Variants in CDC42EP1 observed in about 807,000 individuals in gnomAD.
The protein encoded by CDC42EP1 is CDC42 effector protein 1, also known as 55 kDa bone marrow stromal/endothelial cell protein.
A neutral mutation model predicts 7.4 loss-of-function variants in CDC42EP1; 6 were observed. The observed-to-expected ratio is 0.81, with a 90% CI of 0.44 to 1.60. CDC42EP1 has a LOEUF of 1.60. Among genes scored for constraint, CDC42EP1 ranks in the 40% most tolerant of loss-of-function variants. CDC42EP1 has a pLI of 0.01. For missense variants in CDC42EP1, 567 were observed against 539.0 expected (o/e 1.05, Z -0.51); for synonymous variants, 238 against 227.1 (o/e 1.05, Z -0.43).
Position 37,568,864 on chromosome 22 carries a change from G to C in CDC42EP1, c.*44G>C. Reference sequence around the variant, plus strand: ...CAGGGCCCCACCTAGGTGCAGAGCCGGCCCCTCACCTAACAGCTGGTTCCT... The same window carrying C: ...CAGGGCCCCACCTAGGTGCAGAGCCCGCCCCTCACCTAACAGCTGGTTCCT... On this transcript the variant is annotated 3_prime_UTR_variant, in exon 3 of 3. Coordinates refer to ENST00000249014, the MANE Select transcript of CDC42EP1 (RefSeq NM_152243.3). 1 of 1,343,514 alleles carries C rather than the reference G, an allele frequency of 7.4e-7. No homozygotes were observed. Among genetic ancestry groups the C allele is most frequent in the Non-Finnish European group, 9.8e-7 (1 of 1,017,446 alleles). 83.2% of individuals were successfully genotyped at this position (1,343,514 alleles called of 1,614,324 possible).
chr22:37,566,199 C>A lies in CDC42EP1; in HGVS notation c.-151C>A. The A allele has an allele frequency of 1.9e-6, 1 of 522,092 alleles. No homozygotes were observed. The highest frequency in any genetic ancestry group is 2.8e-5 in the South Asian group (1 of 35,184). 32.3% of individuals were successfully genotyped at this position (522,092 alleles called of 1,614,324 possible). A position where few individuals can be genotyped will look rare whatever the true frequency, so the allele number is the denominator to read the frequency against. ...GGAGAGACGAGCCATGAACCCCCCA[C>A]AGCCTCTGCATTTGGGGACCTCACC... is the stretch of plus-strand genomic sequence containing the variant. On this transcript the variant is annotated 5_prime_UTR_variant, in exon 2 of 3. Transcript: ENST00000249014. This position sits in a 1 kb window ranked among gnomAD's most constrained non-coding sequence, Gnocchi z 6.4.
At chr22:37,565,077 C>G (rs8138741) in intron 1 of CDC42EP1, among the ~76,000 whole-genome samples, 1 of 152,160 alleles carries the variant, frequency 6.6e-6, no homozygotes, top group African/African-American at 2.4e-5. Context: ...CGCGCCCAGC[C>G]CCTCAGGAGT....
intron 1 of CDC42EP1, among the ~76,000 whole-genome samples, 182 bp downstream of exon 1, chr22:37,560,770 A>G (rs1408921099): frequency 3.3e-5 from 5 of 151,724 alleles, no homozygotes; most frequent in South Asian, 4.1e-4. Context: ...CCGCGCGAGG[A>G]AACTCCGAGC....
At position 37,568,150 on chromosome 22, in the gene CDC42EP1, C is replaced by T. The variant is rs376281327; in HGVS notation, c.506C>T (p.Ser169Leu). The T allele has an allele frequency of 2.5e-5, 40 of 1,613,878 alleles. No individual in the cohort carries two copies. Among genetic ancestry groups the T allele is most frequent in the Middle Eastern group, 3.3e-4 (2 of 6,082 alleles). ...GFCTISRLPR[S>L]EKPHDRDRDG... ...TGCACCATCTCCCGCCTGCCCCGCT[C>T]GGAAAAGCCGCATGACCGAGACCGG... The change falls in exon 3 of 3, where the codon TCG (serine) becomes TTG (leucine). Residue 169 changes from serine (S) to leucine (L), a missense_variant. Coordinates refer to ENST00000249014, the MANE Select transcript of CDC42EP1 (RefSeq NM_152243.3).
chr22:37,562,723 T>C (rs1309588998), intron 1 of CDC42EP1, among the ~76,000 whole-genome samples: 7 of 151,652 alleles, frequency 4.6e-5, no homozygotes, highest in Non-Finnish European at 8.8e-5. Context: ...CATCGCAAGA[T>C]TGGGGAGGAA....
At chr22:37,564,499 C>T (rs569783463) in intron 1 of CDC42EP1, 1 of 152,384 alleles carries the variant, frequency 6.6e-6, no homozygotes, top group African/African-American at 2.4e-5. Context: ...GTGGATGGTT[C>T]AGAGGAACCT....
Position 37,566,579 on chromosome 22 carries a change from C to A in CDC42EP1, c.230C>A (p.Ser77Ter), listed in dbSNP as rs1290971400. Residue 77 changes from serine to a stop codon, truncating the protein, a stop_gained, in exon 2 of 3, where the codon TCA becomes TAA. Transcript: ENST00000249014. LOFTEE classifies it high-confidence loss of function. The surrounding 1 kb of genome is among the most constrained non-coding windows in gnomAD (Gnocchi z 6.4). Reference protein sequence around the residue: ...HGGSSGSTHRSPRSFLAKKLQ... With the variant: ...HGGSSGSTHR Reference sequence around the variant, plus strand: ...GGCAGCTCCGGGAGCACCCATCGCTCACCCCGCAGCTTCCTGGCCAAGAAG... The same window carrying A: ...GGCAGCTCCGGGAGCACCCATCGCTAACCCCGCAGCTTCCTGGCCAAGAAG... The A allele has an allele frequency of 6.2e-7, 1 of 1,603,796 alleles. No homozygotes were observed. Among genetic ancestry groups the A allele is most frequent in the Non-Finnish European group, 8.5e-7 (1 of 1,173,072 alleles).
chr22:37,566,749 G>A lies in CDC42EP1; in HGVS notation c.400G>A (p.Val134Met), dbSNP rs138108680. The A allele has an allele frequency of 4.5e-4, 723 of 1,604,440 alleles. 2 individuals carry two copies. In the South Asian group the frequency reaches 5.1e-3, roughly 11 times the overall value. The change falls in exon 2 of 3, where the codon GTG (valine) becomes ATG (methionine). Residue 134 changes from valine to methionine, a missense_variant. Coordinates refer to ENST00000249014, the MANE Select transcript of CDC42EP1 (RefSeq NM_152243.3). The surrounding 1 kb of genome is among the most constrained non-coding windows in gnomAD (Gnocchi z 6.4). ...QLNQAAYDSL[V>M]VGKLSFDSSP... The stretch of plus-strand genomic sequence containing the variant: ...CAACCAGGCCGCCTACGACAGCCTC[G>A]TGGTTGGCAAGCTCAGCTTCGACAG...
Position 37,568,712 on chromosome 22 carries a change from A to G in CDC42EP1, c.1068A>G (p.Glu356=), listed in dbSNP as rs537335999. ...QARASWESLD[E]EWRAPQAGSR... Reference sequence around the variant, plus strand: ...GGGCCTCCTGGGAGAGCCTGGACGAAGAGTGGAGGGCGCCCCAGGCAGGCA... The same window carrying G: ...GGGCCTCCTGGGAGAGCCTGGACGAGGAGTGGAGGGCGCCCCAGGCAGGCA... The change falls in exon 3 of 3, where the codon GAA becomes GAG. Residue 356 remains glutamate (E), a synonymous_variant. Transcript: ENST00000249014. The G allele has an allele frequency of 1.3e-4, 203 of 1,534,532 alleles. 2 individuals are homozygous for G. The South Asian group carries it at 1.9e-3, about 14-fold the overall frequency.
In CDC42EP1 at chr22:37,568,462, C is replaced by T. The variant is rs1013911951; in HGVS notation, c.818C>T (p.Pro273Leu). 7 of 1,603,050 alleles carry T rather than the reference C, an allele frequency of 4.4e-6. No homozygotes were observed. The South Asian group carries it at 6.7e-5, about 15-fold the overall frequency. ...AATPTGPAAN[P>L]PAPAASSTPH... ...ACCCCCACGGGTCCTGCTGCAAATC[C>T]CCCAGCCCCTGCCGCAAGCTCCACA... The change falls in exon 3 of 3, where the codon CCC becomes CTC. Residue 273 changes from proline (P) to leucine (L), a missense_variant. Physicochemically the swap from Pro to Leu is moderately conservative, Grantham distance 98. Coordinates refer to ENST00000249014, the MANE Select transcript of CDC42EP1 (RefSeq NM_152243.3).
In CDC42EP1 at chr22:37,568,634, C is replaced by T; in HGVS notation, c.990C>T (p.His330=). The T allele has an allele frequency of 1.3e-6, 2 of 1,588,394 alleles. No individual in the cohort carries two copies. The highest frequency in any genetic ancestry group is 1.8e-5 in the Admixed American group (1 of 56,144). The change falls in exon 3 of 3, where the codon CAC becomes CAT. Residue 330 remains histidine, a synonymous_variant. Transcript: ENST00000249014. ...HWGAGWDGGH[H]YPEMDARQER... ...GAGCAGGCTGGGATGGCGGCCACCA[C>T]TACCCAGAGATGGATGCGCGGCAGG...
intron 1 of CDC42EP1, chr22:37,564,557 GCTCCCTC>G (rs1418021403): frequency 6.6e-6 from 1 of 152,344 alleles, no homozygotes; most frequent in Non-Finnish European, 1.5e-5. Context: ...TGAGGTGTCT[GCTCCCTC>G]CTGGCTTCGC....
At chr22:37,561,677 CAG>C (rs1925044166) in intron 1 of CDC42EP1, among the ~76,000 whole-genome samples, 1 of 145,358 alleles carries the variant, frequency 6.9e-6, no homozygotes, top group Admixed American at 6.7e-5. Context: ...GTAACCATGA[CAG>C]GGACCCGCTG....
Position 37,568,683 on chromosome 22 carries a change from G to T in CDC42EP1, c.1039G>T (p.Ala347Ser). 6.5e-7 allele frequency: 1 copy of T among 1,543,718 alleles called. No individual in the cohort carries two copies. The highest frequency in any genetic ancestry group is 8.7e-7 in the Non-Finnish European group (1 of 1,144,984). The change falls in exon 3 of 3, where the codon GCC (alanine) becomes TCC (serine). Residue 347 changes from alanine (A) to serine (S), a missense_variant. Transcript: ENST00000249014. ...GGAGCGGGTGGAGGTGCTGCCCCAA[G>T]CCCGGGCCTCCTGGGAGAGCCTGGA... ...RQERVEVLPQARASWESLDEE... is the reference protein window; with the variant it reads ...RQERVEVLPQSRASWESLDEE...
intron 1 of CDC42EP1, among the ~76,000 whole-genome samples, chr22:37,563,482 A>G (rs1438506907): frequency 6.6e-6 from 1 of 152,052 alleles, no homozygotes; most frequent in Non-Finnish European, 1.5e-5. Flanking sequence ...AGGGAAGAAG[A>G]TGATTCAGAA....
rs1305243446 is a variant in CDC42EP1 at position 37,563,671 on chromosome 22, G to T, written c.-278-2401G>T. On this transcript the variant is annotated intron_variant, in intron 1 of 2. Coordinates refer to ENST00000249014, the MANE Select transcript of CDC42EP1 (RefSeq NM_152243.3). ...AGAAGGGCAGTATTGAGATTTCTAT[G>T]CTTGGAGGTGGCAGCAATGGTTTTA... The T allele has an allele frequency of 2.0e-5, 3 of 152,324 alleles. No individual in the cohort carries two copies. In the East Asian group the frequency reaches 5.8e-4, roughly 29 times the overall value. 9.4% of individuals were successfully genotyped at this position (152,324 alleles called of 1,614,324 possible). A position where few individuals can be genotyped will look rare whatever the true frequency, so the allele number is the denominator to read the frequency against.
At position 37,566,243 on chromosome 22, in the gene CDC42EP1, C is replaced by T; in HGVS notation, c.-107C>T. The T allele has an allele frequency of 1.5e-6, 1 of 657,414 alleles. No individual in the cohort carries two copies. 40.7% of individuals were successfully genotyped at this position (657,414 alleles called of 1,614,324 possible). ...CCTCACCTTAGGAGAGTGCCATTTA[C>T]AGCTTCCGCCAGGGCAAAGGAGCTG... On this transcript the variant is annotated 5_prime_UTR_variant, in exon 2 of 3. Coordinates refer to ENST00000249014, the MANE Select transcript of CDC42EP1 (RefSeq NM_152243.3). This position sits in a 1 kb window ranked among gnomAD's most constrained non-coding sequence, Gnocchi z 6.4.
At chr22:37,561,812 C>T (rs1925049141) in intron 1 of CDC42EP1, among the ~76,000 whole-genome samples, 1 of 152,132 alleles carries the variant, frequency 6.6e-6, no homozygotes, top group Non-Finnish European at 1.5e-5. Flanking sequence ...TGCGGGTGAC[C>T]CCCAGGTGAA....
At chr22:37,560,756 G>A (rs1289338924) in intron 1 of CDC42EP1, among the ~76,000 whole-genome samples, 168 bp downstream of exon 1, 1 of 151,844 alleles carries the variant, frequency 6.6e-6, no homozygotes, top group Non-Finnish European at 1.5e-5. Context: ...GCGCGGCCGC[G>A]GAGCCGCGCG....
Sources: gnomAD v4.1 joint callset for allele counts (sites outside exome capture counted in the v4.1 genomes callset) on GRCh38, gnomAD v4.1.1 for gene constraint, Gnocchi (gnomAD v3.1) non-coding constraint, MANE v1.5 for transcripts, NCBI Gene and HGNC (gene_info 2026-07-23, HGNC 2026-07-21) for gene names.